Variants in GPC6 observed in about 807,000 individuals in gnomAD.
GPC6 encodes the protein glypican 6, also known as glypican-6.
A neutral mutation model predicts 55.2 loss-of-function variants in GPC6; 14 were observed. The observed-to-expected ratio is 0.25, with a 90% CI of 0.17 to 0.40. The LOEUF is 0.40. Among genes scored for constraint, GPC6 ranks in the 10% least tolerant of loss-of-function variants. The pLI is 1.00. For missense variants in GPC6, 641 were observed against 708.5 expected (o/e 0.90, Z 1.08); for synonymous variants, 278 against 259.6 (o/e 1.07, Z -0.68).
chr13:93,758,885 T>G (rs1027073082), intron 2 of GPC6, among the ~76,000 whole-genome samples: 2 of 152,188 alleles, frequency 1.3e-5, no homozygotes, highest in Non-Finnish European at 2.9e-5. Flanking sequence ...AATGTGGGGC[T>G]CTCTATGATC....
At chr13:94,086,883 C>T (rs992881839) in intron 4 of GPC6, among the ~76,000 whole-genome samples, 13 of 152,162 alleles carry the variant, frequency 8.5e-5, no homozygotes, top group Non-Finnish European at 1.9e-4. Context: ...AATAAAACGA[C>T]ATGTGTCTTT....
intron 2 of GPC6, among the ~76,000 whole-genome samples, chr13:93,794,075 G>A (rs902688003): frequency 2.6e-5 from 4 of 152,164 alleles, no homozygotes; most frequent in African/African-American, 9.6e-5. Flanking sequence ...AGGCAAGAGG[G>A]ATTTAGCCCA....
chr13:93,223,870 T>TCCGTTTACC (rs1875685415), upstream of GPC6, among the ~76,000 whole-genome samples: 1 of 151,430 alleles, frequency 6.6e-6, no homozygotes, highest in Non-Finnish European at 1.5e-5. Context: ...ATTCTAGGTA[T>TCCGTTTACC]CCGTTTACCT....
chr13:93,384,395 T>TAA (rs140503970), intron 1 of GPC6, among the ~76,000 whole-genome samples: 11 of 151,454 alleles, frequency 7.3e-5, no homozygotes, highest in African/African-American at 2.7e-4. Flanking sequence ...TTTTTTTTTT[T>TAA]TAAAAAAAAG....
intron 1 of GPC6, among the ~76,000 whole-genome samples, chr13:93,438,348 C>T (rs1877652029): frequency 6.6e-6 from 1 of 152,094 alleles, no homozygotes; most frequent in Non-Finnish European, 1.5e-5. Flanking sequence ...TTCTATGAGG[C>T]ATCTGGGCAA....
At chr13:93,314,750 T>TGC (rs1331821835) in intron 1 of GPC6, among the ~76,000 whole-genome samples, 1,625 of 104,838 alleles carry the variant, frequency 0.016, 37 homozygotes, top group East Asian at 0.05. Context: ...TGTGTGTGTG[T>TGC]GTGTGTGCAC....
intron 1 of GPC6, among the ~76,000 whole-genome samples, chr13:93,272,492 G>GTATATATATATATATATATATA (rs61556173): frequency 5.1e-5 from 7 of 137,176 alleles, no homozygotes; most frequent in African/African-American, 1.6e-4. Flanking sequence ...TTGTCTGTGT[G>GTATATATATATATATATATATA]TATATATATA....
At chr13:94,018,800 A>G (rs1030955514) in intron 3 of GPC6, among the ~76,000 whole-genome samples, 4 of 152,162 alleles carry the variant, frequency 2.6e-5, no homozygotes, top group African/African-American at 9.7e-5. Flanking sequence ...CTGTCAGATC[A>G]GTGGGGCAAT....
At chr13:93,762,791 T>C (rs757355588) in intron 2 of GPC6, among the ~76,000 whole-genome samples, 4 of 152,196 alleles carry the variant, frequency 2.6e-5, no homozygotes, top group Non-Finnish European at 5.9e-5. Flanking sequence ...CAGATCAATT[T>C]ACTCGTTGAA....
intron 4 of GPC6, among the ~76,000 whole-genome samples, chr13:94,067,478 G>C (rs530915820): frequency 0.022 from 3,178 of 144,864 alleles, 131 homozygotes; most frequent in African/African-American, 0.079. Context: ...CTGTCTGTCT[G>C]TCTCTCTCTC....
At chr13:93,365,950 A>G (rs1428058924) in intron 1 of GPC6, among the ~76,000 whole-genome samples, 1 of 152,118 alleles carries the variant, frequency 6.6e-6, no homozygotes, top group South Asian at 2.1e-4. Context: ...TTCATGTTCT[A>G]TTCTCCAGCT....
At chr13:93,934,193 A>G (rs1392379136) in intron 3 of GPC6, among the ~76,000 whole-genome samples, 1 of 152,188 alleles carries the variant, frequency 6.6e-6, no homozygotes, top group Non-Finnish European at 1.5e-5. Context: ...TGTGCTATTC[A>G]GTATGATAGC....
chr13:93,233,916 G>C (rs762852139), intron 1 of GPC6, among the ~76,000 whole-genome samples: 16 of 152,144 alleles, frequency 1.1e-4, no homozygotes, highest in Non-Finnish European at 2.2e-4. Flanking sequence ...CTTTTTCACA[G>C]CAGACCTGAA....
chr13:94,247,417 C>A (rs554226207), intron 4 of GPC6, among the ~76,000 whole-genome samples: 3 of 152,200 alleles, frequency 2.0e-5, no homozygotes, highest in Admixed American at 6.5e-5. Flanking sequence ...GGCATCCTGG[C>A]CTTGTACCTG....
chr13:93,650,241 T>G (rs1172526671), intron 2 of GPC6, among the ~76,000 whole-genome samples: 5 of 152,194 alleles, frequency 3.3e-5, no homozygotes, highest in African/African-American at 1.2e-4. Flanking sequence ...CAAGTACATT[T>G]TGATAGAGCA....
intron 1 of GPC6, among the ~76,000 whole-genome samples, chr13:93,326,621 G>T (rs567896373): frequency 7.9e-5 from 12 of 152,104 alleles, no homozygotes; most frequent in Non-Finnish European, 1.2e-4. Context: ...AGGTCATCTG[G>T]AAAATATTTC....
intron 3 of GPC6, among the ~76,000 whole-genome samples, chr13:93,928,355 G>A (rs1302271654): frequency 1.3e-5 from 2 of 152,148 alleles, no homozygotes; most frequent in African/African-American, 2.4e-5. Flanking sequence ...TTGTTTTAAT[G>A]AAAATTTATA....
At chr13:94,317,420 C>T (rs1270046447) in intron 6 of GPC6, among the ~76,000 whole-genome samples, 1 of 152,132 alleles carries the variant, frequency 6.6e-6, no homozygotes, top group East Asian at 1.9e-4. Context: ...AAACACAAAG[C>T]GTCCAGAAGA....
chr13:94,226,262 G>A (rs901136696), intron 4 of GPC6, among the ~76,000 whole-genome samples: 4 of 152,158 alleles, frequency 2.6e-5, no homozygotes, highest in South Asian at 2.1e-4. Flanking sequence ...GATGCAAAAT[G>A]TGAGACAAAA....
Sources: allele counts gnomAD v4.1 joint callset (sites outside exome capture counted in the v4.1 genomes callset), GRCh38; gene constraint gnomAD v4.1.1; transcripts MANE v1.5; gene names NCBI Gene and HGNC (gene_info 2026-07-23, HGNC 2026-07-21).